Variants in TBC1D12 observed in about 807,000 individuals in gnomAD.
The protein encoded by TBC1D12 is TBC1 domain family member 12, also known as TBC1 domain family, member 12.
In TBC1D12, 56 loss-of-function variants were observed where a neutral mutation model predicts 86.7. That is an observed-to-expected ratio of 0.65 (90% CI 0.52 to 0.81). The LOEUF (loss-of-function observed/expected upper bound fraction) is 0.81. Ranked by LOEUF, TBC1D12 falls within the 30% of genes least tolerant of loss-of-function variation. The pLI is 0.00. For missense variants in TBC1D12, 1,023 were observed against 1,038.8 expected (o/e 0.98, Z 0.21); for synonymous variants, 421 against 411.7 (o/e 1.02, Z -0.27).
chr10:94,505,303 G>A (rs1564981763), intron 6 of TBC1D12, among the ~76,000 whole-genome samples: 1 of 152,124 alleles, frequency 6.6e-6, no homozygotes, highest in Non-Finnish European at 1.5e-5. Flanking sequence ...ATTTTGCCTG[G>A]TGTGGTGGCT....
At chr10:94,511,200 C>A (rs1010700534) in intron 8 of TBC1D12, among the ~76,000 whole-genome samples, 1 of 147,940 alleles carries the variant, frequency 6.8e-6, no homozygotes. Context: ...TGAGTTCAAG[C>A]GATTCTTGTG....
At chr10:94,520,826 ATT>A (rs1842130860) in intron 9 of TBC1D12, among the ~76,000 whole-genome samples, 2 of 151,688 alleles carry the variant, frequency 1.3e-5, no homozygotes, top group Admixed American at 1.3e-4. Flanking sequence ...CGCCCGGTTA[ATT>A]TTTTGTATTT....
chr10:94,418,866 C>T (rs540837450), intron 1 of TBC1D12, among the ~76,000 whole-genome samples: 1 of 151,680 alleles, frequency 6.6e-6, no homozygotes, highest in South Asian at 2.1e-4. Flanking sequence ...GCCACTGTGC[C>T]CAGCCTTTTT....
chr10:94,463,715 A>G (rs938072676), intron 2 of TBC1D12, among the ~76,000 whole-genome samples: 2 of 152,234 alleles, frequency 1.3e-5, no homozygotes, highest in African/African-American at 4.8e-5. Context: ...CCCCAAATAT[A>G]GGGGCATTAC....
At chr10:94,510,650 T>C (rs1194605426) in intron 8 of TBC1D12, among the ~76,000 whole-genome samples, 1 of 152,190 alleles carries the variant, frequency 6.6e-6, no homozygotes, top group African/African-American at 2.4e-5. Flanking sequence ...TACTTTATCT[T>C]TGACTCATGT....
At chr10:94,498,335 A>G (rs1030235489) in intron 5 of TBC1D12, among the ~76,000 whole-genome samples, 1 of 152,198 alleles carries the variant, frequency 6.6e-6, no homozygotes, top group Non-Finnish European at 1.5e-5. Context: ...TGAGACTAAT[A>G]TACTTATCTT....
In TBC1D12 at chr10:94,535,013, C is replaced by T. The variant is rs1842516481; in HGVS notation, c.*1917C>T. The stretch of plus-strand genomic sequence containing the variant: ...GGTGCTGTCCAGGGAACATGTTTCC[C>T]TTGGGAGGTCTGAACAGAGTGACCT... On this transcript the variant is annotated 3_prime_UTR_variant, in exon 13 of 13. Coordinates refer to ENST00000225235, the MANE Select transcript of TBC1D12 (RefSeq NM_015188.2). 6.6e-6 allele frequency: 1 copy of T among 152,138 alleles called. No homozygotes were observed. Among genetic ancestry groups the T allele is most frequent in the Non-Finnish European group, 1.5e-5 (1 of 68,020 alleles). 9.4% of individuals were successfully genotyped at this position (152,138 alleles called of 1,614,324 possible). A position where few individuals can be genotyped will look rare whatever the true frequency, so the allele number is the denominator to read the frequency against.
intron 11 of TBC1D12, among the ~76,000 whole-genome samples, chr10:94,529,703 A>G (rs10882473): frequency 0.39 from 59,538 of 151,960 alleles, 12,363 homozygotes; most frequent in East Asian, 0.73. Flanking sequence ...AAAATGGGAG[A>G]AGGGTTTTTT....
chr10:94,442,087 T>C (rs984925110), intron 2 of TBC1D12, 68 bp downstream of exon 2: 306 of 1,332,868 alleles, frequency 2.3e-4, no homozygotes, highest in African/African-American at 1.2e-3. Context: ...TTCTTCTTTT[T>C]TTTTTTTTTT....
At chr10:94,525,659 CAAAAAAAAAAAA>C (rs11432778) in intron 11 of TBC1D12, among the ~76,000 whole-genome samples, 1 of 61,294 alleles carries the variant, frequency 1.6e-5, no homozygotes. Context: ...GACTCCGTCT[CAAAAAAAAAAAA>C]AAAAAAAGCT....
chr10:94,489,037 C>G (rs2056210271), intron 3 of TBC1D12, among the ~76,000 whole-genome samples: 1 of 152,120 alleles, frequency 6.6e-6, no homozygotes, highest in Admixed American at 6.5e-5. Flanking sequence ...ATCTACTGCC[C>G]CAGTCCACCG....
intron 3 of TBC1D12, among the ~76,000 whole-genome samples, chr10:94,483,721 GTTTTGT>G (rs1189006159): frequency 6.6e-6 from 1 of 151,286 alleles, no homozygotes; most frequent in East Asian, 1.9e-4. Context: ...CTGTTTATTG[GTTTTGT>G]TTTTGTTTTT....
intron 1 of TBC1D12, among the ~76,000 whole-genome samples, chr10:94,435,670 G>GA (rs2055283834): frequency 6.6e-6 from 1 of 152,098 alleles, no homozygotes; most frequent in Non-Finnish European, 1.5e-5. Flanking sequence ...AGTGCTCTTT[G>GA]AACAGAACTC....
intron 2 of TBC1D12, among the ~76,000 whole-genome samples, chr10:94,465,249 G>A (rs1036271427): frequency 7.3e-5 from 11 of 151,148 alleles, no homozygotes; most frequent in African/African-American, 1.5e-4. Context: ...CACCAGATAC[G>A]TAGATCTTCC....
chr10:94,516,935 A>C (rs1842007697), intron 9 of TBC1D12, among the ~76,000 whole-genome samples: 2 of 151,956 alleles, frequency 1.3e-5, no homozygotes, highest in African/African-American at 4.8e-5. Flanking sequence ...TTGTTTTGAG[A>C]CAAGGTTTCA....
chr10:94,511,392 C>G (rs747379645), intron 8 of TBC1D12, among the ~76,000 whole-genome samples, 191 bp from the exon 9 acceptor site: 1 of 152,026 alleles, frequency 6.6e-6, no homozygotes, highest in Non-Finnish European at 1.5e-5. Flanking sequence ...GCCACCGCAC[C>G]CATCTGCAGT....
At chr10:94,439,094 A>G (rs2055344700) in intron 1 of TBC1D12, among the ~76,000 whole-genome samples, 1 of 152,048 alleles carries the variant, frequency 6.6e-6, no homozygotes, top group African/African-American at 2.4e-5. Context: ...GTGAGCCACC[A>G]TGCCCCGCTC....
chr10:94,405,961 C>T (rs181470654), intron 1 of TBC1D12, among the ~76,000 whole-genome samples: 181 of 152,172 alleles, frequency 1.2e-3, no homozygotes, highest in African/African-American at 4.0e-3. Flanking sequence ...CAGGCACCCG[C>T]CACCACGCCT....
rs1842474185 is a variant in TBC1D12 at position 94,533,257 on chromosome 10, AT to A, written c.*162del. 1 of 500,194 alleles carries A rather than the reference AT, an allele frequency of 2.0e-6. No homozygotes were observed. The allele number at this position is 500,194 out of a possible 1,614,324, so 31.0% of individuals were successfully genotyped here. ...ACATTTTATGGCTGAAGTAAATGAA[AT>A]AAGTAACTTATTGACAGTATTAATA... On this transcript the variant is annotated 3_prime_UTR_variant, in exon 13 of 13. Transcript: ENST00000225235.
Sources: gnomAD v4.1 joint callset for allele counts (sites outside exome capture counted in the v4.1 genomes callset) on GRCh38, gnomAD v4.1.1 for gene constraint, MANE v1.5 for transcripts, NCBI Gene and HGNC (gene_info 2026-07-23, HGNC 2026-07-21) for gene names.